SLC2A9: variants seen among roughly 807,000 people sequenced by gnomAD.
SLC2A9 encodes the protein solute carrier family 2, facilitated glucose transporter member 9.
In SLC2A9, 39 loss-of-function variants were observed where a neutral mutation model predicts 50.6. That is an observed-to-expected ratio of 0.77 (90% CI 0.60 to 1.01). The LOEUF (loss-of-function observed/expected upper bound fraction) is 1.01. SLC2A9 is among the 50% of genes least tolerant of loss of function. The pLI is 0.00. For missense variants in SLC2A9, 686 were observed against 677.6 expected, an observed-to-expected ratio of 1.01 and a Z score of -0.14; for synonymous variants, 324 against 276.9, an observed-to-expected ratio of 1.17 and a Z score of -1.69.
chr4:9,782,487 C>G (rs1718578817), intron 3 of SLC2A9: 1 of 1,613,872 alleles, frequency 6.2e-7, no homozygotes, highest in African/African-American at 1.3e-5. Flanking sequence ...CGCAAGATGA[C>G]TCAGCGCATG....
chr4:9,829,267 G>T (rs1448115423), intron 11 of SLC2A9, among the ~76,000 whole-genome samples: 1 of 152,054 alleles, frequency 6.6e-6, no homozygotes, highest in African/African-American at 2.4e-5. Context: ...AGCTAGGCGT[G>T]GTGGCAGTCG....
intron 10 of SLC2A9, among the ~76,000 whole-genome samples, chr4:9,861,478 G>T (rs1425172707): frequency 3.3e-5 from 5 of 152,094 alleles, no homozygotes; most frequent in Admixed American, 6.5e-5. Flanking sequence ...ATGAGATTTG[G>T]TGGGGACACA....
intron 10 of SLC2A9, among the ~76,000 whole-genome samples, chr4:9,884,194 C>T (rs956503859): frequency 1.1e-4 from 16 of 152,318 alleles, no homozygotes; most frequent in African/African-American, 3.4e-4. Context: ...CTGATACATG[C>T]TGTTAGTGAC....
intron 8 of SLC2A9, among the ~76,000 whole-genome samples, chr4:9,907,954 G>C (rs1740985827): frequency 6.6e-6 from 1 of 152,176 alleles, no homozygotes; most frequent in African/African-American, 2.4e-5. Context: ...ACATTGCAGT[G>C]TTGCCTGCCC....
rs765965453 is a variant in SLC2A9, at chr4:9,887,642, C to T, written c.1216G>A (p.Asp406Asn). 1.4e-5 allele frequency: 21 copies of T among 1,530,452 alleles called. No individual in the cohort carries two copies. In the South Asian group the frequency reaches 1.8e-4, roughly 13 times the overall value. 94.8% of individuals were successfully genotyped at this position (1,530,452 alleles called of 1,614,324 possible). ...AGGTAGGGGACCCAGGGGGCGTGGT[C>T]CTGGGAGAGAACAGGGAGTGGTCAG... ...GTLTITLTLQ[D>N]HAPWVPYLSI... Residue 406 changes from aspartate to asparagine, a missense_variant and splice_region_variant, in exon 10 of 12, where the codon GAC (aspartate) becomes AAC (asparagine). By Grantham distance (23) the Asp-to-Asn change is conservative (BLOSUM62 1). Transcript: ENST00000264784.
chr4:9,846,919 A>T (rs1156924219), intron 10 of SLC2A9, among the ~76,000 whole-genome samples: 1 of 152,202 alleles, frequency 6.6e-6, no homozygotes, highest in African/African-American at 2.4e-5. Context: ...ATGTCACTTA[A>T]TCCTTTAGAT....
chr4:10,006,425 A>G (rs1760785856), intron 2 of SLC2A9: 1 of 152,220 alleles, frequency 6.6e-6, no homozygotes, highest in Admixed American at 6.5e-5. Flanking sequence ...ATAAGAGAGG[A>G]AGTCATGCCA....
chr4:9,787,282 A>G (rs1373412252), intron 3 of SLC2A9, among the ~76,000 whole-genome samples: 1 of 152,242 alleles, frequency 6.6e-6, no homozygotes, highest in African/African-American at 2.4e-5. Context: ...AGGGGAGGTG[A>G]TCAGACTTTA....
At chr4:9,979,490 C>G (rs1293122722) in intron 5 of SLC2A9, among the ~76,000 whole-genome samples, 1 of 152,062 alleles carries the variant, frequency 6.6e-6, no homozygotes, top group Non-Finnish European at 1.5e-5. Flanking sequence ...AGTGGGAAGG[C>G]AGCGCCCCTG....
At chr4:9,783,091 C>G in intron 3 of SLC2A9, 2 of 1,614,236 alleles carry the variant, frequency 1.2e-6, no homozygotes, top group Non-Finnish European at 1.7e-6. Context: ...ACTCCTCACT[C>G]AACCCCGTCA....
chr4:9,844,225 G>A (rs1728583064), intron 10 of SLC2A9, among the ~76,000 whole-genome samples: 2 of 149,182 alleles, frequency 1.3e-5, no homozygotes, highest in South Asian at 4.3e-4. Flanking sequence ...AGGTGATATG[G>A]ATTGAGGTAT....
rs16891971 is a variant in SLC2A9 at position 9,996,752 on chromosome 4, C to A, written c.410+29G>T. 38,756 of 1,610,384 alleles carry A rather than the reference C, an allele frequency of 0.024. 949 individuals are homozygous for A. The highest frequency in any genetic ancestry group is 0.13 in the African/African-American group (9,678 of 74,880). On this transcript the variant is annotated intron_variant, in intron 3 of 11. Coordinates refer to ENST00000264784, the MANE Select transcript of SLC2A9 (RefSeq NM_020041.3). The stretch of plus-strand genomic sequence containing the variant: ...AGATATATTATGAACATGGAGGGCA[C>A]CCCCAGATAGAGACAGCCTCCTACT...
At position 9,912,057 on chromosome 4, in the gene SLC2A9, G is replaced by A. The variant is rs980895974; in HGVS notation, c.1003-3712C>T. On this transcript the variant is annotated intron_variant, in intron 7 of 11. Transcript: ENST00000264784. ...TCGCAAGGACAAAAAACCAAACACC[G>A]CATATTCTCACTCATAGGTGGGAAT... Among the ~76,000 whole-genome samples, 5 of 152,064 alleles carry A rather than the reference G, an allele frequency of 3.3e-5. No individual in the cohort carries two copies. The East Asian group carries it at 5.8e-4, about 18-fold the overall frequency.
intron 3 of SLC2A9, among the ~76,000 whole-genome samples, chr4:9,786,538 C>T (rs944011040): frequency 6.6e-6 from 1 of 152,190 alleles, no homozygotes; most frequent in African/African-American, 2.4e-5. Context: ...CTTTGCACAG[C>T]TTTGTGTTTG....
intron 6 of SLC2A9, among the ~76,000 whole-genome samples, chr4:9,924,625 G>A (rs1744565680): frequency 6.6e-6 from 1 of 152,170 alleles, no homozygotes; most frequent in South Asian, 2.1e-4. Flanking sequence ...TGGAGAAGTG[G>A]TGCTTCCTCA....
intron 5 of SLC2A9, among the ~76,000 whole-genome samples, chr4:9,947,745 G>A (rs897775207): frequency 1.3e-5 from 2 of 151,794 alleles, no homozygotes. Context: ...CCACTCCAGA[G>A]CCAGGTATCA....
At chr4:9,881,247 C>A (rs1025231443) in intron 10 of SLC2A9, among the ~76,000 whole-genome samples, 1 of 152,226 alleles carries the variant, frequency 6.6e-6, no homozygotes, top group Non-Finnish European at 1.5e-5. Flanking sequence ...TTAGAAAATG[C>A]CAAGCCTGGG....
intron 3 of SLC2A9, among the ~76,000 whole-genome samples, chr4:9,799,833 G>A (rs373428618): frequency 6.6e-6 from 1 of 152,074 alleles, no homozygotes; most frequent in Admixed American, 6.6e-5. Context: ...TGTGGCTCTA[G>A]AGCCAGATGG....
chr4:9,947,282 C>T (rs1006542581), intron 5 of SLC2A9, among the ~76,000 whole-genome samples: 11 of 152,228 alleles, frequency 7.2e-5, no homozygotes, highest in Admixed American at 5.2e-4. Context: ...TTTGCAGGTG[C>T]TCTTTCTCTG....
Sources: gnomAD v4.1 joint callset for allele counts (sites outside exome capture counted in the v4.1 genomes callset) on GRCh38, gnomAD v4.1.1 for gene constraint, MANE v1.5 for transcripts, NCBI Gene and HGNC (gene_info 2026-07-23, HGNC 2026-07-21) for gene names.